The following GLG1 variants were observed in gnomAD, a reference collection of about 807,000 sequenced individuals.
The protein encoded by GLG1 is golgi glycoprotein 1.
GLG1 carries 38 observed loss-of-function variants against 160.5 expected under a neutral mutation model. The ratio of observed to expected loss-of-function variants is 0.24; its 90% CI spans 0.18 to 0.31. The LOEUF (loss-of-function observed/expected upper bound fraction) is 0.31. GLG1 is among the 10% of genes least tolerant of loss of function. GLG1 has a pLI of 1.00. For synonymous variants in GLG1, 644 were observed against 543.4 expected (o/e 1.19, Z -2.57); for missense variants, 1,373 against 1,505.2 (o/e 0.91, Z 1.45).
chr16:74,563,728 A>G (rs1406679983), intron 1 of GLG1, among the ~76,000 whole-genome samples: 1 of 147,504 alleles, frequency 6.8e-6, no homozygotes, highest in African/African-American at 2.5e-5. Flanking sequence ...CCCTGTCTCA[A>G]AAAAAAAAAA....
chr16:74,478,908 A>T, intron 11 of GLG1, among the ~76,000 whole-genome samples: 1 of 123,408 alleles, frequency 8.1e-6, no homozygotes, highest in Non-Finnish European at 1.7e-5. Context: ...AAAAAAAAAA[A>T]GGGGGGGGTT....
intron 1 of GLG1, among the ~76,000 whole-genome samples, chr16:74,574,963 G>A (rs1170026578): frequency 1.0e-4 from 12 of 118,132 alleles, no homozygotes; most frequent in African/African-American, 3.3e-4. Flanking sequence ...ACAAGAAGCC[G>A]GGTGCAGTGG....
intron 2 of GLG1, among the ~76,000 whole-genome samples, chr16:74,527,886 T>C (rs1302454568): frequency 1.8e-3 from 1 of 564 alleles, no homozygotes; most frequent in African/African-American, 3.2e-3. Context: ...TGGTTAATTC[T>C]TTTTTTTTTT....
intron 1 of GLG1, among the ~76,000 whole-genome samples, chr16:74,570,663 G>C (rs2018798812): frequency 6.6e-6 from 1 of 152,106 alleles, no homozygotes; most frequent in South Asian, 2.1e-4. Context: ...TGGGACGCCA[G>C]GGCAGGAGCA....
At chr16:74,488,990 G>A (rs1300092841) in intron 8 of GLG1, among the ~76,000 whole-genome samples, 1 of 152,182 alleles carries the variant, frequency 6.6e-6, no homozygotes, top group Non-Finnish European at 1.5e-5. Context: ...GATTTGGAAA[G>A]TACTTTTCTT....
chr16:74,482,695 G>A (rs1245905858), intron 10 of GLG1, among the ~76,000 whole-genome samples: 3 of 152,108 alleles, frequency 2.0e-5, no homozygotes, highest in Non-Finnish European at 4.4e-5. Flanking sequence ...TCTTCTTAGA[G>A]ACATATCTGA....
At chr16:74,501,127 G>A (rs1398523299) in intron 4 of GLG1, among the ~76,000 whole-genome samples, 1 of 152,194 alleles carries the variant, frequency 6.6e-6, no homozygotes, top group African/African-American at 2.4e-5. Context: ...TTCAGTATAA[G>A]TTTTCTATCT....
intron 6 of GLG1, 79 bp from the exon 7 acceptor site, chr16:74,493,219 G>C: frequency 1.1e-6 from 1 of 881,892 alleles, no homozygotes; most frequent in South Asian, 1.7e-5. Context: ...GATGAGCACA[G>C]CGACTCAGCC....
At chr16:74,541,096 C>T (rs1239485830) in intron 1 of GLG1, among the ~76,000 whole-genome samples, 5 of 152,012 alleles carry the variant, frequency 3.3e-5, no homozygotes, top group African/African-American at 9.7e-5. Flanking sequence ...GAGGCTGAGG[C>T]GGGCAGATCA....
chr16:74,542,750 G>GAAGGAAGGA (rs1567513995), intron 1 of GLG1, among the ~76,000 whole-genome samples: 6 of 20,946 alleles, frequency 2.9e-4, no homozygotes, highest in African/African-American at 9.0e-4. Context: ...AGGAAGGAAG[G>GAAGGAAGGA]AAGGAAGGAA....
intron 2 of GLG1, among the ~76,000 whole-genome samples, chr16:74,521,860 G>A (rs991659166): frequency 1.3e-5 from 2 of 152,198 alleles, no homozygotes; most frequent in African/African-American, 4.8e-5. Flanking sequence ...GGCATGGAAA[G>A]GAGGTGCCTT....
chr16:74,533,792 A>G (rs1168730725), intron 1 of GLG1, among the ~76,000 whole-genome samples: 1 of 152,192 alleles, frequency 6.6e-6, no homozygotes, highest in East Asian at 1.9e-4. Flanking sequence ...AAAAAAAAGC[A>G]TAATTTATTT....
intron 1 of GLG1, chr16:74,563,143 C>G (rs1322832276): frequency 2.0e-5 from 3 of 152,290 alleles, no homozygotes; most frequent in African/African-American, 7.2e-5. Flanking sequence ...CTATGAACAA[C>G]AGAAAAGGGG....
chr16:74,472,347 A>C lies in GLG1; in HGVS notation c.2115+2T>G. ...ACCCTTGCTCCTCCAGACATCACTT[A>C]CGTGGCAGAAGTTCTGAATTATGGG... On this transcript the variant is annotated splice_donor_variant, in intron 14 of 25. Transcript: ENST00000422840. LOFTEE classifies it high-confidence loss of function. The C allele has an allele frequency of 6.2e-7, 1 of 1,606,506 alleles. No individual in the cohort carries two copies. Among genetic ancestry groups the C allele is most frequent in the Non-Finnish European group, 8.5e-7 (1 of 1,173,094 alleles).
intron 1 of GLG1, among the ~76,000 whole-genome samples, chr16:74,586,814 G>A (rs2143843136): frequency 6.6e-6 from 1 of 151,890 alleles, no homozygotes; most frequent in South Asian, 2.1e-4. Flanking sequence ...TTCTGCCTCA[G>A]CCTACCAAGT....
intron 1 of GLG1, among the ~76,000 whole-genome samples, chr16:74,582,898 T>C (rs910834548): frequency 2.0e-5 from 3 of 151,886 alleles, no homozygotes; most frequent in African/African-American, 7.3e-5. Context: ...ATAGAAGGTA[T>C]TCTATCTCTT....
intron 2 of GLG1, among the ~76,000 whole-genome samples, chr16:74,524,330 T>C (rs1384804583): frequency 6.6e-6 from 1 of 152,252 alleles, no homozygotes; most frequent in Non-Finnish European, 1.5e-5. Context: ...AGTAACTATG[T>C]CTTGTTGCCA....
intron 2 of GLG1, among the ~76,000 whole-genome samples, chr16:74,526,536 C>A (rs1356886307): frequency 6.8e-6 from 1 of 148,040 alleles, no homozygotes; most frequent in African/African-American, 2.5e-5. Context: ...TCAGCCTGGG[C>A]AACAAAGTGA....
chr16:74,487,235 C>T (rs925698685), intron 8 of GLG1, among the ~76,000 whole-genome samples: 5 of 152,038 alleles, frequency 3.3e-5, no homozygotes, highest in Admixed American at 2.6e-4. Flanking sequence ...TAATAGAAAG[C>T]GAATTTGAAA....
Sources: gnomAD v4.1 joint callset for allele counts (sites outside exome capture counted in the v4.1 genomes callset) on GRCh38, gnomAD v4.1.1 for gene constraint, MANE v1.5 for transcripts, NCBI Gene and HGNC (gene_info 2026-07-23, HGNC 2026-07-21) for gene names.